Variants in INPP4B observed in about 807,000 individuals in gnomAD.
The protein encoded by INPP4B is inositol polyphosphate 4-phosphatase type II.
INPP4B carries 55 observed loss-of-function variants against 122.5 expected under a neutral mutation model. The observed-to-expected ratio is 0.45, with a 90% CI of 0.36 to 0.56. The LOEUF is 0.56. Among genes scored for constraint, INPP4B ranks in the 20% least tolerant of loss-of-function variants. The pLI, the probability that INPP4B is intolerant of heterozygous loss-of-function variation, is 0.00. For synonymous variants in INPP4B, 403 were observed against 388.7 expected (o/e 1.04, Z -0.43); for missense variants, 1,000 against 1,097.7 (o/e 0.91, Z 1.26).
intron 14 of INPP4B, among the ~76,000 whole-genome samples, chr4:142,207,872 C>T (rs958398361): frequency 2.6e-5 from 4 of 152,078 alleles, no homozygotes; most frequent in African/African-American, 9.7e-5. Context: ...TCACTCTGGA[C>T]CACTTTCAGG....
chr4:142,590,302 C>T (rs1415459931), intron 2 of INPP4B, among the ~76,000 whole-genome samples: 2 of 152,066 alleles, frequency 1.3e-5, no homozygotes, highest in Non-Finnish European at 1.5e-5. Context: ...GGGGGAATCC[C>T]AAGATACAAT....
chr4:142,297,993 T>G (rs921281829), intron 9 of INPP4B, among the ~76,000 whole-genome samples: 25 of 152,160 alleles, frequency 1.6e-4, no homozygotes, highest in Non-Finnish European at 3.1e-4. Context: ...TAATAGATGT[T>G]AAAGAGACAT....
chr4:142,246,022 A>G (rs1333159430), intron 11 of INPP4B, among the ~76,000 whole-genome samples: 5 of 140,352 alleles, frequency 3.6e-5, no homozygotes, highest in Admixed American at 2.1e-4. Flanking sequence ...ACATGTGTGT[A>G]TGTACACACA....
intron 15 of INPP4B, among the ~76,000 whole-genome samples, chr4:142,192,095 C>T (rs1462424931): frequency 6.6e-6 from 1 of 151,790 alleles, no homozygotes; most frequent in Non-Finnish European, 1.5e-5. Flanking sequence ...TCAACTGTGA[C>T]TAAAGAATGA....
chr4:142,179,561 T>TGAAAAATGATGTTAATAG (rs145763456), intron 15 of INPP4B, among the ~76,000 whole-genome samples: 3 of 143,966 alleles, frequency 2.1e-5, no homozygotes, highest in African/African-American at 5.4e-5. Context: ...ATTAGCTCTG[T>TGAAAAATGATGTTAATAG]GAAAAAAAAA....
chr4:142,136,616 T>C (rs1040306903), intron 18 of INPP4B, among the ~76,000 whole-genome samples: 1 of 152,078 alleles, frequency 6.6e-6, no homozygotes, highest in African/African-American at 2.4e-5. Flanking sequence ...TCATGGAGGA[T>C]GAGGCAGGGT....
chr4:142,802,273 T>C (rs936361472), intron 1 of INPP4B, among the ~76,000 whole-genome samples: 4 of 152,206 alleles, frequency 2.6e-5, no homozygotes, highest in Non-Finnish European at 5.9e-5. Flanking sequence ...AGAGACTGTT[T>C]AGTAGGCATT....
intron 3 of INPP4B, among the ~76,000 whole-genome samples, chr4:142,454,312 T>C (rs1438715124): frequency 6.6e-6 from 1 of 152,134 alleles, no homozygotes; most frequent in Non-Finnish European, 1.5e-5. Context: ...GCCAGAGTAC[T>C]GGCTTTCAAC....
chr4:142,323,581 G>C (rs1159494323), intron 7 of INPP4B, among the ~76,000 whole-genome samples: 2 of 151,762 alleles, frequency 1.3e-5, no homozygotes, highest in Admixed American at 1.3e-4. Context: ...CAGTAGCTGG[G>C]ACTACAGGCA....
Position 142,481,471 on chromosome 4 carries a change from G to T in INPP4B, c.-190-18745C>A, listed in dbSNP as rs142744231. On this transcript the variant is annotated intron_variant, in intron 2 of 25. Coordinates refer to ENST00000262992, the MANE Select transcript of INPP4B (RefSeq NM_001101669.3). ...ATGAGACTGCACAGAGTGAGAAATTGAGGGAAGGAACATTTAGAAGTTTAT... is the reference window on the plus strand; with the variant it reads ...ATGAGACTGCACAGAGTGAGAAATTTAGGGAAGGAACATTTAGAAGTTTAT... Among the ~76,000 whole-genome samples, 582 of 152,174 alleles carry T rather than the reference G, an allele frequency of 3.8e-3. 3 individuals are homozygous for T. The highest frequency in any genetic ancestry group is 0.013 in the African/African-American group (541 of 41,534).
chr4:142,043,225 A>G (rs568743098), intron 25 of INPP4B, among the ~76,000 whole-genome samples: 20 of 152,312 alleles, frequency 1.3e-4, no homozygotes, highest in African/African-American at 4.6e-4. Context: ...TTATGTTATC[A>G]GCTCCTGGAA....
intron 1 of INPP4B, among the ~76,000 whole-genome samples, chr4:142,758,964 A>AG (rs1260464149): frequency 6.6e-6 from 1 of 152,034 alleles, no homozygotes; most frequent in East Asian, 1.9e-4. Flanking sequence ...AAAAAAAAAA[A>AG]AAAAAATCAC....
intron 7 of INPP4B, among the ~76,000 whole-genome samples, chr4:142,398,097 T>C (rs892998976): frequency 6.6e-6 from 1 of 150,978 alleles, no homozygotes; most frequent in African/African-American, 2.4e-5. Context: ...TATAACAGCC[T>C]GGGCGCGGTG....
At chr4:142,318,983 G>T (rs1232098099) in intron 7 of INPP4B, among the ~76,000 whole-genome samples, 1 of 152,182 alleles carries the variant, frequency 6.6e-6, no homozygotes. Flanking sequence ...CAATGAGCAT[G>T]GGTATTGCTG....
At chr4:142,798,292 T>C (rs1777544537) in intron 1 of INPP4B, among the ~76,000 whole-genome samples, 1 of 151,934 alleles carries the variant, frequency 6.6e-6, no homozygotes, top group East Asian at 1.9e-4. Flanking sequence ...ACTACTCATG[T>C]GACCTTGATG....
chr4:142,408,886 G>A (rs1418588699), intron 5 of INPP4B, among the ~76,000 whole-genome samples: 1 of 152,144 alleles, frequency 6.6e-6, no homozygotes, highest in East Asian at 1.9e-4. Flanking sequence ...GCAGGATGTT[G>A]ATAGATGGGG....
chr4:142,734,520 A>G (rs1480601814), intron 1 of INPP4B, among the ~76,000 whole-genome samples: 1 of 152,186 alleles, frequency 6.6e-6, no homozygotes, highest in Non-Finnish European at 1.5e-5. Context: ...TCCTTTTGCA[A>G]AAAATGTATT....
At chr4:142,118,981 C>A (rs1251046669) in intron 21 of INPP4B, among the ~76,000 whole-genome samples, 3 of 152,078 alleles carry the variant, frequency 2.0e-5, no homozygotes. Flanking sequence ...AAAAAGTGGG[C>A]AAAGGATATG....
At chr4:142,703,863 C>G (rs1037764299) in intron 2 of INPP4B, among the ~76,000 whole-genome samples, 1 of 152,170 alleles carries the variant, frequency 6.6e-6, no homozygotes, top group African/African-American at 2.4e-5. Context: ...AGAAGAGTGG[C>G]TGATTTCTGG....
Sources: allele counts gnomAD v4.1 joint callset (sites outside exome capture counted in the v4.1 genomes callset), GRCh38; gene constraint gnomAD v4.1.1; transcripts MANE v1.5; gene names NCBI Gene and HGNC (gene_info 2026-07-23, HGNC 2026-07-21).